Variants in PDCD6IP observed in about 807,000 individuals in gnomAD.
PDCD6IP encodes programmed cell death 6-interacting protein.
PDCD6IP carries 43 observed loss-of-function variants against 103.7 expected under a neutral mutation model. That is an observed-to-expected ratio of 0.41 (90% CI 0.32 to 0.53). The LOEUF (loss-of-function observed/expected upper bound fraction) is 0.53. Ranked by LOEUF, PDCD6IP falls within the 20% of genes least tolerant of loss-of-function variation. The pLI is 0.16. For synonymous variants in PDCD6IP, 354 were observed against 378.7 expected, an observed-to-expected ratio of 0.93 and a Z score of 0.76; for missense variants, 871 against 1,036.7, an observed-to-expected ratio of 0.84 and a Z score of 2.20.
intron 15 of PDCD6IP, among the ~76,000 whole-genome samples, chr3:33,857,932 C>T (rs1389981748): frequency 2.0e-5 from 3 of 152,072 alleles, no homozygotes; most frequent in African/African-American, 7.2e-5. Context: ...TACTATACTG[C>T]AGTACCAGCC....
At chr3:33,806,723 C>A (rs1407729283) in intron 1 of PDCD6IP, among the ~76,000 whole-genome samples, 1 of 152,158 alleles carries the variant, frequency 6.6e-6, no homozygotes, top group Admixed American at 6.5e-5. Flanking sequence ...GTGGTAGATT[C>A]TCTTGTTTCT....
rs1053524698 is a variant in PDCD6IP at position 33,866,462 on chromosome 3, A to T, written c.2544A>T (p.Gly848=). The change falls in exon 18 of 18, where the codon GGA becomes GGT. Residue 848 remains glycine, a synonymous_variant. Coordinates refer to ENST00000307296, the MANE Select transcript of PDCD6IP (RefSeq NM_013374.6). ...GTCCTGGACAGGCTCCATACCCGGG[A>T]CCCCAGCAGCCTTCATACCCCTTCC... ...HQSPGQAPYP[G]PQQPSYPFPQ... The T allele has an allele frequency of 6.2e-7, 1 of 1,612,070 alleles. No individual in the cohort carries two copies. The highest frequency in any genetic ancestry group is 8.5e-7 in the Non-Finnish European group (1 of 1,179,290).
intron 7 of PDCD6IP, chr3:33,835,117 T>C (rs1281647606): frequency 1.0e-5 from 4 of 391,858 alleles, no homozygotes; most frequent in Non-Finnish European, 1.5e-5. Flanking sequence ...TTATTTTATA[T>C]GGTGTCACTA....
At chr3:33,861,486 A>T (rs1697953952) in intron 15 of PDCD6IP, among the ~76,000 whole-genome samples, 1 of 152,286 alleles carries the variant, frequency 6.6e-6, no homozygotes, top group Middle Eastern at 3.4e-3. Flanking sequence ...CAGAGTAGCC[A>T]CATTTCAGAT....
intron 1 of PDCD6IP, among the ~76,000 whole-genome samples, chr3:33,804,980 G>C (rs1403636195): frequency 6.6e-6 from 1 of 152,154 alleles, no homozygotes; most frequent in Non-Finnish European, 1.5e-5. Context: ...AGCTGAATAG[G>C]GTTGTGTGAA....
At chr3:33,862,050 C>T (rs1375755172) in intron 15 of PDCD6IP, among the ~76,000 whole-genome samples, 1 of 151,986 alleles carries the variant, frequency 6.6e-6, no homozygotes, top group Non-Finnish European at 1.5e-5. Flanking sequence ...AGGAAATTAT[C>T]ATTTGCTCTA....
At chr3:33,865,672 T>C (rs1047402895) in intron 17 of PDCD6IP, among the ~76,000 whole-genome samples, 6 of 152,216 alleles carry the variant, frequency 3.9e-5, no homozygotes, top group African/African-American at 1.4e-4. Flanking sequence ...TTAAATAATC[T>C]TTTCTGTATT....
intron 15 of PDCD6IP, among the ~76,000 whole-genome samples, chr3:33,857,178 TA>T (rs1475641111): frequency 6.8e-6 from 1 of 147,354 alleles, no homozygotes; most frequent in Non-Finnish European, 1.5e-5. Context: ...TCTAAATGTT[TA>T]AAAAAAGGTG....
chr3:33,817,267 G>GT (rs1031863400), intron 3 of PDCD6IP, among the ~76,000 whole-genome samples: 202 of 152,280 alleles, frequency 1.3e-3, no homozygotes, highest in African/African-American at 4.8e-3. Flanking sequence ...GGCAACTCGA[G>GT]TGTGGTATAG....
At chr3:33,825,084 T>C in intron 4 of PDCD6IP, 103 bp from the exon 5 acceptor site, 1 of 966,820 alleles carries the variant, frequency 1.0e-6, no homozygotes, top group African/African-American at 1.7e-5. Flanking sequence ...TTTAAATATA[T>C]TAACTGTTCA....
intron 7 of PDCD6IP, among the ~76,000 whole-genome samples, 191 bp downstream of exon 7, chr3:33,829,160 A>T (rs767103777): frequency 6.6e-6 from 1 of 152,168 alleles, no homozygotes; most frequent in Non-Finnish European, 1.5e-5. Context: ...TAAAAAATAG[A>T]TGCAAAATTT....
chr3:33,814,386 C>T (rs1219237323), intron 3 of PDCD6IP, among the ~76,000 whole-genome samples: 1 of 151,810 alleles, frequency 6.6e-6, no homozygotes. Context: ...CCACCCATCT[C>T]GGCCTCCCAA....
At position 33,869,324 on chromosome 3, in the gene PDCD6IP, A is replaced by T. The variant is rs1698136219; in HGVS notation, c.*2799A>T. ...ACAGCCAAATGGCATCTCACTTTTTAAAGACGTTTGCAATTATTAGTTGAT... is the reference window on the plus strand; with the variant it reads ...ACAGCCAAATGGCATCTCACTTTTTTAAGACGTTTGCAATTATTAGTTGAT... On this transcript the variant is annotated 3_prime_UTR_variant, in exon 18 of 18. Coordinates refer to ENST00000307296, the MANE Select transcript of PDCD6IP (RefSeq NM_013374.6). The T allele has an allele frequency of 6.6e-6, 1 of 152,184 alleles. No homozygotes were observed. Among genetic ancestry groups the T allele is most frequent in the African/African-American group, 2.4e-5 (1 of 41,436 alleles). The allele number at this position is 152,184 out of a possible 1,614,324, so 9.4% of individuals were successfully genotyped here. A position where few individuals can be genotyped will look rare whatever the true frequency, so the allele number is the denominator to read the frequency against.
chr3:33,841,045 C>T (rs993770658), intron 9 of PDCD6IP, among the ~76,000 whole-genome samples: 6 of 150,052 alleles, frequency 4.0e-5, no homozygotes, highest in Admixed American at 3.3e-4. Flanking sequence ...TTTTTTCCCC[C>T]GAGACGGAGT....
chr3:33,823,815 C>T (rs906717365), intron 4 of PDCD6IP, among the ~76,000 whole-genome samples: 3 of 151,914 alleles, frequency 2.0e-5, no homozygotes, highest in African/African-American at 7.3e-5. Context: ...GTAGTGAAAA[C>T]GAAGTAAAAT....
chr3:33,864,096 A>G lies in PDCD6IP; in HGVS notation c.2211A>G (p.Pro737=). The G allele has an allele frequency of 6.2e-7, 1 of 1,611,044 alleles. No individual in the cohort carries two copies. The highest frequency in any genetic ancestry group is 8.5e-7 in the Non-Finnish European group (1 of 1,177,238). The change falls in exon 16 of 18, where the codon CCA becomes CCG. Residue 737 remains proline (P), a synonymous_variant. Coordinates refer to ENST00000307296, the MANE Select transcript of PDCD6IP (RefSeq NM_013374.6). The stretch of plus-strand genomic sequence containing the variant: ...CCTCACCAGCAGGAGGACATGCACC[A>G]ACTCCTCCAACTCCAGCGCCAAGAA... The part of the protein sequence containing the change: ...YQSSPAGGHA[P]TPPTPAPRTM...
chr3:33,847,350 A>C (rs1003713260), intron 12 of PDCD6IP, among the ~76,000 whole-genome samples: 1 of 152,224 alleles, frequency 6.6e-6, no homozygotes, highest in Admixed American at 6.5e-5. Context: ...TGTGTTACAC[A>C]GGAGAAAGGA....
At chr3:33,858,084 G>A (rs1697868251) in intron 15 of PDCD6IP, among the ~76,000 whole-genome samples, 1 of 152,154 alleles carries the variant, frequency 6.6e-6, no homozygotes, top group Admixed American at 6.5e-5. Flanking sequence ...TATTATTACT[G>A]AAGTTGTTGA....
Position 33,828,891 on chromosome 3 carries a change from G to A in PDCD6IP, c.756G>A (p.Met252Ile). 1.2e-6 allele frequency: 2 copies of A among 1,612,510 alleles called. No homozygotes were observed. Residue 252 changes from methionine to isoleucine, a missense_variant, in exon 7 of 18, where the codon ATG becomes ATA. By Grantham distance (10) the Met-to-Ile change is conservative. This residue lies in a region of PDCD6IP where 242 missense variants were observed against 250.7 expected (regional missense o/e 0.97). Coordinates refer to ENST00000307296, the MANE Select transcript of PDCD6IP (RefSeq NM_013374.6). ...TCTTGGCTGCAAAGCACTGTATCAT[G>A]CAGGCCAATGCTGAGTACCATCAGT... ...FPVLAAKHCI[M>I]QANAEYHQSI...
Sources: gnomAD v4.1 joint callset for allele counts (sites outside exome capture counted in the v4.1 genomes callset) on GRCh38, gnomAD v4.1.1 for gene constraint, gnomAD v4.1.1 regional missense constraint, MANE v1.5 for transcripts, NCBI Gene and HGNC (gene_info 2026-07-23, HGNC 2026-07-21) for gene names.